The following SDK1 variants were observed in gnomAD, a reference collection of about 807,000 sequenced individuals.
The protein encoded by SDK1 is sidekick cell adhesion molecule 1, also known as protein sidekick-1.
SDK1 carries 157 observed loss-of-function variants against 245.5 expected under a neutral mutation model. The observed-to-expected ratio is 0.64, with a 90% confidence interval of 0.56 to 0.73. The LOEUF is 0.73. Among genes scored for constraint, SDK1 ranks in the 30% least tolerant of loss-of-function variants. The probability of loss-of-function intolerance (pLI) is 0.00; values close to 1 mark genes in which losing one functional copy is unlikely to be tolerated. For missense variants in SDK1, 3,583 were observed against 3,002.3 expected (o/e 1.19, Z -4.52); for synonymous variants, 1,647 against 1,278.5 (o/e 1.29, Z -6.15).
chr7:3,694,190 T>C (rs1471154947), intron 4 of SDK1, among the ~76,000 whole-genome samples: 1 of 152,186 alleles, frequency 6.6e-6, no homozygotes, highest in African/African-American at 2.4e-5. Flanking sequence ...CAAACTCGTA[T>C]AGGAATACTA....
chr7:3,633,369 A>G (rs756338991), intron 2 of SDK1, among the ~76,000 whole-genome samples: 1 of 152,134 alleles, frequency 6.6e-6, no homozygotes, highest in Non-Finnish European at 1.5e-5. Flanking sequence ...CTCTGCACTG[A>G]CGCTGTGGTT....
intron 4 of SDK1, among the ~76,000 whole-genome samples, chr7:3,802,754 C>G (rs955676029): frequency 2.6e-5 from 4 of 152,180 alleles, no homozygotes; most frequent in African/African-American, 7.2e-5. Flanking sequence ...TAACCTAATA[C>G]TCTTGAGACC....
chr7:3,635,043 T>C (rs1015566007), intron 2 of SDK1, among the ~76,000 whole-genome samples: 5 of 152,248 alleles, frequency 3.3e-5, no homozygotes, highest in Admixed American at 2.0e-4. Context: ...CCAAAAACTT[T>C]TGTTGACTTT....
In SDK1 at chr7:3,632,434, A is replaced by G. The variant is rs1487327955; in HGVS notation, c.459-6570A>G. On this transcript the variant is annotated intron_variant, in intron 2 of 44. Transcript: ENST00000404826. ...ATTAATGAAGATAAAGTTTAAATGT[A>G]GTCATTCATGGTATGGCATCAATAA... 3.3e-5 allele frequency among the ~76,000 whole-genome samples: 5 copies of G among 152,208 alleles called. No individual in the cohort carries two copies. The East Asian group carries it at 5.8e-4, about 18-fold the overall frequency.
intron 1 of SDK1, among the ~76,000 whole-genome samples, chr7:3,577,884 A>G (rs1780345196): frequency 6.6e-6 from 1 of 151,892 alleles, no homozygotes; most frequent in South Asian, 2.1e-4. Flanking sequence ...TACGCCTTAG[A>G]GGTGTGCGGT....
chr7:3,666,361 C>A (rs775940773), intron 4 of SDK1, among the ~76,000 whole-genome samples: 4 of 152,202 alleles, frequency 2.6e-5, no homozygotes, highest in Non-Finnish European at 5.9e-5. Flanking sequence ...TTTGCACATG[C>A]CGTCCCCCTG....
rs373336484 is a variant in SDK1, at chr7:3,756,268, G to A, written c.714-65182G>A. Among the ~76,000 whole-genome samples the A allele has an allele frequency of 6.5e-4, 86 of 132,722 alleles. No homozygotes were observed. The South Asian group carries it at 0.02, about 31-fold the overall frequency. The allele number at this position is 132,722 out of a possible 152,430, so 87.1% of individuals were successfully genotyped here. A position where few individuals can be genotyped will look rare whatever the true frequency, so the allele number is the denominator to read the frequency against. The stretch of plus-strand genomic sequence containing the variant: ...TGAGTCCTTTCACATGGCATAGCAC[G>A]TGTGACACATGCATATCTTTGATGT... On this transcript the variant is annotated intron_variant, in intron 4 of 44. Coordinates refer to ENST00000404826, the MANE Select transcript of SDK1 (RefSeq NM_152744.4).
rs1015223181 is a variant in SDK1 at position 4,041,759 on chromosome 7, G to C, written c.2603-7589G>C. On this transcript the variant is annotated intron_variant, in intron 17 of 44. Transcript: ENST00000404826. ...GGAATGTTTAATGCATGCGTGTCGT[G>C]AAAACACAGCATATATATAGTGAAA... 2.8e-4 allele frequency among the ~76,000 whole-genome samples: 38 copies of C among 136,440 alleles called. 10 individuals are homozygous for C. The highest frequency in any genetic ancestry group is 1.2e-3 in the African/African-American group (37 of 29,752). 89.5% of individuals were successfully genotyped at this position (136,440 alleles called of 152,430 possible).
intron 4 of SDK1, among the ~76,000 whole-genome samples, chr7:3,819,528 C>G (rs1443053714): frequency 2.0e-5 from 3 of 151,928 alleles, no homozygotes. Context: ...AAATGTGTAA[C>G]TTCATGTGTA....
At chr7:3,619,352 C>A in intron 2 of SDK1, 113 bp downstream of exon 2, 1 of 827,288 alleles carries the variant, frequency 1.2e-6, no homozygotes, top group South Asian at 2.1e-5. Context: ...ATTTCTAATG[C>A]ATTCAAGATT....
At chr7:3,590,719 A>G (rs1333119090) in intron 1 of SDK1, among the ~76,000 whole-genome samples, 2 of 151,768 alleles carry the variant, frequency 1.3e-5, no homozygotes, top group African/African-American at 2.4e-5. Flanking sequence ...TACTGATAAC[A>G]GAGCCTCACT....
chr7:3,723,493 C>T (rs1023824216), intron 4 of SDK1, among the ~76,000 whole-genome samples: 14 of 152,138 alleles, frequency 9.2e-5, no homozygotes, highest in Admixed American at 6.5e-5. Context: ...TTTATTCACA[C>T]ACTAGTAGCA....
intron 4 of SDK1, among the ~76,000 whole-genome samples, chr7:3,763,045 G>A (rs1487593360): frequency 6.6e-6 from 1 of 152,052 alleles, no homozygotes; most frequent in African/African-American, 2.4e-5. Flanking sequence ...TCCTTTTTCA[G>A]TACCCTATCC....
intron 4 of SDK1, among the ~76,000 whole-genome samples, chr7:3,652,487 C>T (rs371065969): frequency 2.7e-4 from 41 of 152,254 alleles, no homozygotes; most frequent in South Asian, 4.1e-4. Flanking sequence ...CCAGAATATG[C>T]GCACGGATGC....
chr7:3,694,223 A>G (rs1784511201), intron 4 of SDK1, among the ~76,000 whole-genome samples: 1 of 152,128 alleles, frequency 6.6e-6, no homozygotes, highest in South Asian at 2.1e-4. Flanking sequence ...CCCACTGCAT[A>G]AGACTTCGTG....
intron 35 of SDK1, among the ~76,000 whole-genome samples, chr7:4,185,192 A>G (rs889793763): frequency 3.9e-4 from 59 of 152,322 alleles, no homozygotes; most frequent in African/African-American, 1.4e-3. Context: ...GCTGTCCTGC[A>G]GTGCTGATAG....
chr7:4,036,997 G>T (rs1456323240), intron 17 of SDK1, among the ~76,000 whole-genome samples: 1 of 152,094 alleles, frequency 6.6e-6, no homozygotes, highest in Non-Finnish European at 1.5e-5. Flanking sequence ...GGCCGTTTTT[G>T]ATACCAATAT....
At chr7:3,456,437 A>G (rs760635429) in intron 1 of SDK1, among the ~76,000 whole-genome samples, 6 of 152,264 alleles carry the variant, frequency 3.9e-5, no homozygotes, top group African/African-American at 7.2e-5. Context: ...TTGCTGGTCA[A>G]TTCCATTGCT....
rs75411884 is a variant in SDK1 at position 3,951,239 on chromosome 7, G to A, written c.959+205G>A. Among the ~76,000 whole-genome samples, 477 of 152,174 alleles carry A rather than the reference G, an allele frequency of 3.1e-3. 2 individuals are homozygous for A. The highest frequency in any genetic ancestry group is 0.011 in the African/African-American group (451 of 41,526). ...CCAGAGTCCCCCACTGCAACAGGGC[G>A]GTGCTTTCAATGCAGCTCTGGGTGG... On this transcript the variant is annotated intron_variant, in intron 6 of 44. Transcript: ENST00000404826.
Sources: allele counts gnomAD v4.1 joint callset (sites outside exome capture counted in the v4.1 genomes callset), GRCh38; gene constraint gnomAD v4.1.1; transcripts MANE v1.5; gene names NCBI Gene and HGNC (gene_info 2026-07-23, HGNC 2026-07-21).